TTLL13: variants seen among roughly 807,000 people sequenced by gnomAD.
TTLL13 encodes tubulin polyglutamylase TTLL13.
the TTLL13 span, among the ~76,000 whole-genome samples, chr15:90,264,231 G>A: frequency 1.6e-3 from 243 of 152,110 alleles, 2 homozygotes; most frequent in African/African-American, 5.5e-3. Context: ...ACGCTCTGTC[G>A]CCAAGGCTGA....
At chr15:90,264,621 G>A in the TTLL13 span, 17 of 1,351,266 alleles carry the variant, frequency 1.3e-5, no homozygotes, top group Middle Eastern at 2.6e-4. Flanking sequence ...AGCATGAGAT[G>A]CCCTTCCTCT....
the TTLL13 span, chr15:90,263,721 G>A: frequency 1.5e-6 from 1 of 662,428 alleles, no homozygotes; most frequent in Non-Finnish European, 2.8e-6. Context: ...TGTGGTAAGG[G>A]GCTGCTCTTC....
the TTLL13 span, chr15:90,263,636 T>C: frequency 1.2e-5 from 7 of 598,370 alleles, no homozygotes; most frequent in South Asian, 1.0e-4. Context: ...TCTGGTTAAA[T>C]AGTGGCCGCG....
chr15:90,260,874 A>G, the TTLL13 span, among the ~76,000 whole-genome samples: 3 of 150,366 alleles, frequency 2.0e-5, no homozygotes, highest in Non-Finnish European at 4.4e-5. Flanking sequence ...AAAAAGAGAG[A>G]AAGAAAGGAA....
chr15:90,256,573 CTTTCTTTCTTTCTTTCTTTCTTTCTTTCT>C, the TTLL13 span, among the ~76,000 whole-genome samples: 19 of 56,358 alleles, frequency 3.4e-4, no homozygotes, highest in East Asian at 5.7e-3. Flanking sequence ...TTCTTTCTTT[CTTTCTTTCTTTCTTTCTTTCTTTCTTTCT>C]TTCTTTCCTT....
chr15:90,265,247 G>A, the TTLL13 span: 1 of 1,295,150 alleles, frequency 7.7e-7, no homozygotes, highest in Non-Finnish European at 9.8e-7. Context: ...GCTAGGTGAT[G>A]GGTCTGAACC....
At chr15:90,255,932 G>C in the TTLL13 span, 1 of 1,612,928 alleles carries the variant, frequency 6.2e-7, no homozygotes, top group Admixed American at 1.7e-5. Flanking sequence ...GGGAGGAAAA[G>C]GGTCGCTCTC....
chr15:90,254,282 C>T, the TTLL13 span, among the ~76,000 whole-genome samples: 2 of 151,000 alleles, frequency 1.3e-5, no homozygotes, highest in African/African-American at 2.4e-5. Flanking sequence ...ATCATGAGGT[C>T]AGGAGTTCAA....
chr15:90,252,682 C>T, the TTLL13 span, among the ~76,000 whole-genome samples: 17 of 152,122 alleles, frequency 1.1e-4, 1 homozygote, highest in African/African-American at 4.1e-4. Context: ...CTCTCCAAGC[C>T]ATAAACATCC....
chr15:90,256,585 C>CTT, the TTLL13 span, among the ~76,000 whole-genome samples: 135 of 34,624 alleles, frequency 3.9e-3, 3 homozygotes, highest in Non-Finnish European at 6.4e-3. Context: ...TTCTTTCTTT[C>CTT]TTTCTTTCTT....
chr15:90,255,989 G>A, the TTLL13 span: 3 of 1,579,278 alleles, frequency 1.9e-6, no homozygotes, highest in Non-Finnish European at 2.6e-6. Flanking sequence ...GGATGGAAGT[G>A]GAATGAGAAA....
chr15:90,261,708 A>C, the TTLL13 span, among the ~76,000 whole-genome samples: 1 of 152,184 alleles, frequency 6.6e-6, no homozygotes, highest in South Asian at 2.1e-4. Flanking sequence ...TAAACCTGGG[A>C]GGCAGAGGTT....
At chr15:90,261,553 G>A in the TTLL13 span, among the ~76,000 whole-genome samples, 3 of 152,112 alleles carry the variant, frequency 2.0e-5, no homozygotes, top group African/African-American at 4.8e-5. Context: ...AGCACTTTGG[G>A]AGGCCGAGGT....
chr15:90,254,232 C>T, the TTLL13 span, among the ~76,000 whole-genome samples: 3 of 148,202 alleles, frequency 2.0e-5, no homozygotes, highest in South Asian at 2.1e-4. Context: ...CAGTGGCTCA[C>T]GCCTGTAATC....
At chr15:90,262,540 G>C in the TTLL13 span, 1 of 1,529,798 alleles carries the variant, frequency 6.5e-7, no homozygotes, top group South Asian at 1.2e-5. Flanking sequence ...AGGAGACCTC[G>C]GGCACTAAGA....
the TTLL13 span, chr15:90,258,772 C>T: frequency 2.5e-6 from 4 of 1,614,064 alleles, no homozygotes; most frequent in Non-Finnish European, 3.4e-6. Context: ...TTACCACGGA[C>T]TCATGCCTTG....
At chr15:90,263,801 TGGTGCTCCTAA>T in the TTLL13 span, 1 of 707,416 alleles carries the variant, frequency 1.4e-6, no homozygotes, top group East Asian at 2.7e-5. Context: ...CTGGTCCTAC[TGGTGCTCCTAA>T]GAGGGGCTGC....
chr15:90,259,153 TAG>T, the TTLL13 span: 1 of 969,900 alleles, frequency 1.0e-6, no homozygotes, highest in Non-Finnish European at 1.4e-6. Flanking sequence ...GCTTGAGCCC[TAG>T]AGTTCAACAC....
At chr15:90,256,545 T>C in the TTLL13 span, among the ~76,000 whole-genome samples, 1,440 of 105,204 alleles carry the variant, frequency 0.014, 48 homozygotes, top group African/African-American at 0.044. Flanking sequence ...TCTCCTTCCT[T>C]TTTCTTTCTT....
Sources: allele counts gnomAD v4.1 joint callset (sites outside exome capture counted in the v4.1 genomes callset), GRCh38; gene constraint gnomAD v4.1.1; transcripts MANE v1.5; gene names NCBI Gene and HGNC (gene_info 2026-07-23, HGNC 2026-07-21).